CHD2: variants seen among roughly 807,000 people sequenced by gnomAD.
CHD2 encodes ATP-dependent chromatin remodeler CHD2.
Under a neutral mutation model 243.9 loss-of-function variants are expected in CHD2, and 28 were observed. That is an observed-to-expected ratio of 0.11 (90% CI 0.09 to 0.16). CHD2 has a LOEUF of 0.16. Among genes scored for constraint, CHD2 ranks in the 10% least tolerant of loss-of-function variants. CHD2 has a pLI of 1.00. For missense variants in CHD2, 1,386 were observed against 2,209.8 expected, an observed-to-expected ratio of 0.63 and a Z score of 7.47; for synonymous variants, 775 against 779.0, an observed-to-expected ratio of 0.99 and a Z score of 0.09.
At chr15:93,011,044 A>G (rs2054387343) in intron 35 of CHD2, among the ~76,000 whole-genome samples, 1 of 151,326 alleles carries the variant, frequency 6.6e-6, no homozygotes, top group African/African-American at 2.4e-5. Flanking sequence ...ACTGTTACCA[A>G]CTTCTTTCTT....
Position 92,946,253 on chromosome 15 carries a change from A to T in CHD2, c.1377+37A>T, listed in dbSNP as rs764631689. 3 of 1,528,252 alleles carry T rather than the reference A, an allele frequency of 2.0e-6. No homozygotes were observed. In the South Asian group the frequency reaches 3.6e-5, roughly 19 times the overall value. 94.7% of individuals were successfully genotyped at this position (1,528,252 alleles called of 1,614,324 possible). On this transcript the variant is annotated intron_variant, in intron 12 of 38. Coordinates refer to ENST00000394196, the MANE Select transcript of CHD2 (RefSeq NM_001271.4). ...GTTGGCTTTTGTTTTTTCAGGGAGAAGATATACTGATAAAGAGGATTGGAC... is the reference window on the plus strand; with the variant it reads ...GTTGGCTTTTGTTTTTTCAGGGAGATGATATACTGATAAAGAGGATTGGAC...
At chr15:92,949,301 A>G (rs2053519811) in intron 13 of CHD2, 2 of 1,185,522 alleles carry the variant, frequency 1.7e-6, no homozygotes, top group Admixed American at 4.0e-5. Flanking sequence ...ACTTTATTTC[A>G]TTATTTGGTG....
At chr15:92,969,954 C>T (rs2053819528) in intron 17 of CHD2, among the ~76,000 whole-genome samples, 1 of 151,410 alleles carries the variant, frequency 6.6e-6, no homozygotes, top group Admixed American at 6.6e-5. Context: ...GGTTATATAC[C>T]ACAAGAAGTG....
chr15:92,974,129 G>A (rs910700114), intron 19 of CHD2: 10 of 152,244 alleles, frequency 6.6e-5, no homozygotes, highest in African/African-American at 2.4e-4. Flanking sequence ...ATTTTAAAGA[G>A]TAAGAAATGC....
chr15:92,926,466 T>G (rs1845835551), intron 3 of CHD2, among the ~76,000 whole-genome samples: 1 of 152,250 alleles, frequency 6.6e-6, no homozygotes, highest in Non-Finnish European at 1.5e-5. Flanking sequence ...AAATTCCTTT[T>G]GCTTATGTGT....
intron 12 of CHD2, chr15:92,946,887 C>T (rs1377663994): frequency 6.7e-6 from 1 of 149,586 alleles, no homozygotes; most frequent in Non-Finnish European, 1.5e-5. Context: ...TGCTTGAGCA[C>T]AGGAGTTTGA....
chr15:92,923,707 A>C (rs2053004037), intron 2 of CHD2, among the ~76,000 whole-genome samples: 1 of 151,864 alleles, frequency 6.6e-6, no homozygotes, highest in Non-Finnish European at 1.5e-5. Flanking sequence ...CTTAGACTGC[A>C]GGTGTGTGCC....
intron 28 of CHD2, among the ~76,000 whole-genome samples, chr15:92,993,799 A>G (rs371404950): frequency 6.6e-6 from 1 of 152,026 alleles, no homozygotes; most frequent in Non-Finnish European, 1.5e-5. Flanking sequence ...TTTAAAAATT[A>G]GCCGAAAGTA....
chr15:92,995,653 CT>C lies in CHD2; in HGVS notation c.3596-1303del, dbSNP rs151058984. On this transcript the variant is annotated intron_variant, in intron 28 of 38. Coordinates refer to ENST00000394196, the MANE Select transcript of CHD2 (RefSeq NM_001271.4). Reference sequence around the variant, plus strand: ...ATAGATGTCAATTCACACTTCCCCCCTAGTATTTAATATTTGGGTTGTTTTC... The same window carrying C: ...ATAGATGTCAATTCACACTTCCCCCCAGTATTTAATATTTGGGTTGTTTTC... 8.3e-3 allele frequency among the ~76,000 whole-genome samples: 1,262 copies of C among 152,200 alleles called. 53 individuals are homozygous for C. Among genetic ancestry groups the C allele is most frequent in the Admixed American group, 0.07 (1,062 of 15,276 alleles).
chr15:92,970,996 GT>G, intron 17 of CHD2, among the ~76,000 whole-genome samples: 1 of 152,306 alleles, frequency 6.6e-6, no homozygotes, highest in Admixed American at 6.5e-5. Context: ...ATACTGATAA[GT>G]TATTTTGTCA....
rs770993927 is a variant in CHD2, at chr15:93,009,214, G to C, written c.4483G>C (p.Val1495Leu). The C allele has an allele frequency of 6.2e-7, 1 of 1,614,208 alleles. No homozygotes were observed. Among genetic ancestry groups the C allele is most frequent in the Non-Finnish European group, 8.5e-7 (1 of 1,180,046 alleles). The change falls in exon 35 of 39, where the codon GTG becomes CTG. Residue 1495 changes from valine to leucine, a missense_variant. This residue lies in a region of CHD2 where 42 missense variants were observed against 47.6 expected (regional missense o/e 0.88). Transcript: ENST00000394196. ...CGACAAACCTGACAAGGGGCTCAACGTGCAAGAACAGCTGGAACACACCCG... is the reference window on the plus strand; with the variant it reads ...CGACAAACCTGACAAGGGGCTCAACCTGCAAGAACAGCTGGAACACACCCG... The part of the protein sequence containing the change: ...QLDKPDKGLN[V>L]QEQLEHTRNC...
intron 7 of CHD2, among the ~76,000 whole-genome samples, chr15:92,939,951 C>T (rs2053331457): frequency 6.6e-6 from 1 of 152,136 alleles, no homozygotes; most frequent in African/African-American, 2.4e-5. Flanking sequence ...TAAAAAACAC[C>T]ACAAGTTCGT....
intron 5 of CHD2, among the ~76,000 whole-genome samples, chr15:92,933,478 G>A (rs1158728242): frequency 6.6e-6 from 1 of 152,060 alleles, no homozygotes; most frequent in African/African-American, 2.4e-5. Flanking sequence ...ACAAAACATT[G>A]AACTTTTTTT....
chr15:92,966,066 CTT>C (rs533059554), intron 16 of CHD2, among the ~76,000 whole-genome samples: 9 of 132,902 alleles, frequency 6.8e-5, no homozygotes, highest in Admixed American at 1.5e-4. Flanking sequence ...TTTTTCTTTT[CTT>C]TTTTTTTTTT....
chr15:92,958,440 G>T (rs542059268), intron 16 of CHD2, among the ~76,000 whole-genome samples: 1 of 152,098 alleles, frequency 6.6e-6, no homozygotes. Flanking sequence ...TAACTCAGGC[G>T]TCGTGTTCCG....
chr15:92,906,778 G>A (rs2052631025), intron 2 of CHD2, among the ~76,000 whole-genome samples: 1 of 149,940 alleles, frequency 6.7e-6, no homozygotes, highest in African/African-American at 2.5e-5. Flanking sequence ...CTTGAACAAA[G>A]AAACTTAAAA....
rs779863101 is a variant in CHD2, at chr15:92,997,002, G to C, written c.3641G>C (p.Gly1214Ala). Residue 1214 changes from glycine to alanine, a missense_variant, in exon 29 of 39, where the codon GGA becomes GCA. Gly to Ala is a moderately conservative substitution (Grantham distance 60). This residue lies in a region of CHD2 where 99 missense variants were observed against 176.9 expected (regional missense o/e 0.56). Transcript: ENST00000394196. This position sits in a 1 kb window ranked among gnomAD's most constrained non-coding sequence, Gnocchi z 4.1. The part of the protein sequence containing the change: ...KRRGPTIKIS[G>A]VQVNVKSIIQ... The stretch of plus-strand genomic sequence containing the variant: ...AGAGGTCCAACAATCAAGATATCCG[G>C]AGTTCAGGTTAATGTGAAATCCATT... The C allele has an allele frequency of 6.2e-7, 1 of 1,613,580 alleles. No homozygotes were observed. Among genetic ancestry groups the C allele is most frequent in the Non-Finnish European group, 8.5e-7 (1 of 1,179,862 alleles).
intron 16 of CHD2, among the ~76,000 whole-genome samples, chr15:92,966,740 G>A (rs1203036051): frequency 2.0e-5 from 3 of 152,006 alleles, no homozygotes; most frequent in South Asian, 4.2e-4. Flanking sequence ...ATGAAACCCT[G>A]TCTCTACTAA....
At chr15:92,905,790 C>A (rs1390159199) in intron 2 of CHD2, among the ~76,000 whole-genome samples, 1 of 152,086 alleles carries the variant, frequency 6.6e-6, no homozygotes, top group Non-Finnish European at 1.5e-5. Flanking sequence ...ATGTATATTG[C>A]GTATAAAATG....
Sources: gnomAD v4.1 joint callset for allele counts (sites outside exome capture counted in the v4.1 genomes callset) on GRCh38, gnomAD v4.1.1 for gene constraint, gnomAD v4.1.1 regional missense constraint, Gnocchi (gnomAD v3.1) non-coding constraint, MANE v1.5 for transcripts, NCBI Gene and HGNC (gene_info 2026-07-23, HGNC 2026-07-21) for gene names.